Variants in NUP133 observed in about 807,000 individuals in gnomAD.
NUP133 encodes the protein nucleoporin 133, also known as nuclear pore complex protein Nup133.
In NUP133, 66 loss-of-function variants were observed where a neutral mutation model predicts 146.2. The ratio of observed to expected loss-of-function variants is 0.45; its 90% CI spans 0.37 to 0.55. The LOEUF is 0.55. Ranked by LOEUF, NUP133 falls within the 20% of genes least tolerant of loss-of-function variation. The pLI, the probability that NUP133 is intolerant of heterozygous loss-of-function variation, is 0.00. For missense variants in NUP133, 1,277 were observed against 1,374.8 expected (o/e 0.93, Z 1.12); for synonymous variants, 521 against 498.8 (o/e 1.04, Z -0.59).
chr1:229,487,536 A>C lies in NUP133; in HGVS notation c.1272T>G (p.Ala424=). The change falls in exon 10 of 26, where the codon GCT becomes GCG. Residue 424 remains alanine, a synonymous_variant. Coordinates refer to ENST00000261396, the MANE Select transcript of NUP133 (RefSeq NM_018230.3). ...NQTAYLYNES[A]VYVCSTGTGK... is the part of the protein sequence containing the mutation. ...CAGTTCCTGTGGAGCACACATAGAC[A>C]GCACTTTCGTTATACAGATAGGCAG... The C allele has an allele frequency of 1.2e-6, 2 of 1,613,768 alleles. No individual in the cohort carries two copies. The highest frequency in any genetic ancestry group is 1.7e-6 in the Non-Finnish European group (2 of 1,179,766).
intron 9 of NUP133, 35 bp downstream of exon 9, chr1:229,489,920 T>C: frequency 1.3e-6 from 2 of 1,510,262 alleles, no homozygotes; most frequent in East Asian, 4.7e-5. Context: ...ACTCAACATA[T>C]TATTGCTTTG....
At position 229,508,306 on chromosome 1, in the gene NUP133, G is replaced by A. The variant is rs1259964345; in HGVS notation, c.-57C>T. The stretch of plus-strand genomic sequence containing the variant: ...GGATCTGGCCGTCAGGTTGCAGCCT[G>A]GCCTGCGCGCGGAACTTAAACACCT... On this transcript the variant is annotated 5_prime_UTR_variant, in exon 1 of 26. Transcript: ENST00000261396. The A allele has an allele frequency of 2.3e-6, 3 of 1,310,760 alleles. No homozygotes were observed. Among genetic ancestry groups the A allele is most frequent in the African/African-American group, 3.1e-5 (2 of 64,604 alleles). The allele number at this position is 1,310,760 out of a possible 1,614,324, so 81.2% of individuals were successfully genotyped here.
chr1:229,499,106 C>T lies in NUP133; in HGVS notation c.648+578G>A, dbSNP rs372285320. On this transcript the variant is annotated intron_variant, in intron 5 of 25. Coordinates refer to ENST00000261396, the MANE Select transcript of NUP133 (RefSeq NM_018230.3). ...GTAGAGACAAAGTTTTGTTTTATGG[C>T]GCAGGCTAGTCTTGAACTCCTGGCC... 1.5e-4 allele frequency: 67 copies of T among 453,106 alleles called. 1 individual carries two copies. Among genetic ancestry groups the T allele is most frequent in the East Asian group, 6.3e-4 (9 of 14,236 alleles). 28.1% of individuals were successfully genotyped at this position (453,106 alleles called of 1,614,324 possible).
intron 7 of NUP133, 141 bp from the exon 8 acceptor site, chr1:229,495,706 G>T: frequency 1.1e-6 from 1 of 881,630 alleles, no homozygotes; most frequent in Non-Finnish European, 1.7e-6. Context: ...AAATCGCTAA[G>T]CAAGTAAACC....
intron 8 of NUP133, among the ~76,000 whole-genome samples, chr1:229,492,826 G>A (rs1022424975): frequency 6.6e-6 from 1 of 151,878 alleles, no homozygotes; most frequent in Non-Finnish European, 1.5e-5. Flanking sequence ...CACTGCTCAG[G>A]TGACAGGTGC....
intron 14 of NUP133, among the ~76,000 whole-genome samples, chr1:229,474,395 A>G (rs1333051704): frequency 6.6e-6 from 1 of 151,054 alleles, no homozygotes. Flanking sequence ...ATTAATCCAT[A>G]TCCCACCTAA....
chr1:229,478,790 T>A (rs1661139493), intron 12 of NUP133, among the ~76,000 whole-genome samples: 1 of 152,126 alleles, frequency 6.6e-6, no homozygotes, highest in African/African-American at 2.4e-5. Context: ...GGTTTGAACC[T>A]AATACCAAGG....
intron 24 of NUP133, among the ~76,000 whole-genome samples, chr1:229,447,017 G>A (rs896060594): frequency 1.3e-5 from 2 of 152,040 alleles, no homozygotes; most frequent in Non-Finnish European, 2.9e-5. Flanking sequence ...CCAGCTACTC[G>A]GGAGGTTGAA....
chr1:229,503,957 A>G (rs1377236235), intron 2 of NUP133, among the ~76,000 whole-genome samples: 1 of 150,098 alleles, frequency 6.7e-6, no homozygotes, highest in African/African-American at 2.5e-5. Flanking sequence ...TTTAGAGGGG[A>G]AAAATATACA....
At chr1:229,450,707 A>T (rs1660428548) in intron 22 of NUP133, 102 bp from the exon 23 acceptor site, 2 of 551,428 alleles carry the variant, frequency 3.6e-6, no homozygotes, top group East Asian at 6.6e-5. Flanking sequence ...AGGAAGTTGT[A>T]GTTTGTTTTT....
At chr1:229,461,778 GAA>G (rs1362794797) in intron 19 of NUP133, among the ~76,000 whole-genome samples, 1 of 151,462 alleles carries the variant, frequency 6.6e-6, no homozygotes, top group Admixed American at 6.6e-5. Flanking sequence ...AAAAATGCAT[GAA>G]AAGAGAAAGA....
rs1431402290 is a variant in NUP133, at chr1:229,500,867, T to C, written c.406-4A>G. 2.5e-6 allele frequency: 4 copies of C among 1,593,342 alleles called. No homozygotes were observed. The highest frequency in any genetic ancestry group is 1.3e-5 in the African/African-American group (1 of 74,328). On this transcript the variant is annotated splice_region_variant and splice_polypyrimidine_tract_variant and intron_variant, in intron 3 of 25. Coordinates refer to ENST00000261396, the MANE Select transcript of NUP133 (RefSeq NM_018230.3). The stretch of plus-strand genomic sequence containing the variant: ...GAAGTTCTTTGCAAACGGATAACTG[T>C]AGAACAAACCCAAACAGAAAATCTT...
chr1:229,457,713 G>A (rs1318177958), intron 21 of NUP133, among the ~76,000 whole-genome samples: 6 of 151,658 alleles, frequency 4.0e-5, no homozygotes, highest in African/African-American at 9.7e-5. Flanking sequence ...ATGTTTGGTC[G>A]AATCTGCAGA....
At position 229,466,628 on chromosome 1, in the gene NUP133, T is replaced by C; in HGVS notation, c.2199+6A>G. The C allele has an allele frequency of 6.2e-7, 1 of 1,614,030 alleles. No homozygotes were observed. Among genetic ancestry groups the C allele is most frequent in the Non-Finnish European group, 8.5e-7 (1 of 1,179,940 alleles). On this transcript the variant is annotated splice_donor_region_variant and intron_variant, in intron 16 of 25. Transcript: ENST00000261396. ...ATTTGCTGAAGCCTTTACTATATTTTTGTACCTTGAGAATATTGTTCACAT... is the reference window on the plus strand; with the variant it reads ...ATTTGCTGAAGCCTTTACTATATTTCTGTACCTTGAGAATATTGTTCACAT...
intron 8 of NUP133, among the ~76,000 whole-genome samples, chr1:229,491,554 A>AT (rs1661515905): frequency 6.6e-6 from 1 of 152,158 alleles, no homozygotes; most frequent in African/African-American, 2.4e-5. Context: ...CGAGGTGGGC[A>AT]TATCACTTCA....
intron 20 of NUP133, among the ~76,000 whole-genome samples, chr1:229,459,326 C>T (rs1660641354): frequency 6.6e-6 from 1 of 152,218 alleles, no homozygotes; most frequent in Admixed American, 6.5e-5. Context: ...AATTCAAGAC[C>T]AGCCTGGGCA....
chr1:229,487,874 C>T (rs1310996287), intron 9 of NUP133, among the ~76,000 whole-genome samples: 60 of 143,586 alleles, frequency 4.2e-4, no homozygotes, highest in African/African-American at 1.5e-3. Context: ...GACAGAGTCC[C>T]ACTCTGTTGC....
intron 21 of NUP133, among the ~76,000 whole-genome samples, chr1:229,454,585 T>C (rs1222049249): frequency 6.6e-6 from 1 of 152,228 alleles, no homozygotes; most frequent in Non-Finnish European, 1.5e-5. Flanking sequence ...GAGTTATTTT[T>C]AAAAAGTCTA....
chr1:229,472,974 G>C (rs1007751301), intron 14 of NUP133, among the ~76,000 whole-genome samples: 14 of 151,542 alleles, frequency 9.2e-5, no homozygotes, highest in Non-Finnish European at 1.9e-4. Flanking sequence ...CCCTAGGGCT[G>C]GGTGCAGTGG....
Sources: allele counts gnomAD v4.1 joint callset (sites outside exome capture counted in the v4.1 genomes callset), GRCh38; gene constraint gnomAD v4.1.1; transcripts MANE v1.5; gene names NCBI Gene and HGNC (gene_info 2026-07-23, HGNC 2026-07-21).